ROBO1: variants seen among roughly 807,000 people sequenced by gnomAD.
ROBO1 encodes roundabout guidance receptor 1.
In ROBO1, 149 loss-of-function variants were observed where a neutral mutation model predicts 195.9. The observed-to-expected ratio is 0.76, with a 90% CI of 0.67 to 0.87. The LOEUF (loss-of-function observed/expected upper bound fraction) is 0.87, where lower values mean the gene tolerates loss of function less well. Among genes scored for constraint, ROBO1 ranks in the 40% least tolerant of loss-of-function variants. The probability of loss-of-function intolerance (pLI) is 0.00; values close to 1 mark genes in which losing one functional copy is unlikely to be tolerated. For missense variants in ROBO1, 1,933 were observed against 2,068.3 expected (o/e 0.93, Z 1.27); for synonymous variants, 816 against 733.2 (o/e 1.11, Z -1.82).
chr3:78,944,839 T>TA (rs1340052669), intron 3 of ROBO1, among the ~76,000 whole-genome samples: 1 of 152,144 alleles, frequency 6.6e-6, no homozygotes, highest in African/African-American at 2.4e-5. Context: ...CCAATGGACT[T>TA]AAAAAACGGC....
intron 3 of ROBO1, among the ~76,000 whole-genome samples, chr3:78,973,440 A>G (rs1442814104): frequency 1.4e-5 from 2 of 146,854 alleles, no homozygotes; most frequent in Admixed American, 6.9e-5. Flanking sequence ...TATATATAGA[A>G]GCTATACAAG....
At chr3:79,375,565 A>T (rs1388277183) in intron 2 of ROBO1, among the ~76,000 whole-genome samples, 1 of 152,194 alleles carries the variant, frequency 6.6e-6, no homozygotes, top group Non-Finnish European at 1.5e-5. Context: ...TTTCCTGCAG[A>T]TAAATTCGAT....
At chr3:79,172,791 T>A (rs571328147) in intron 2 of ROBO1, among the ~76,000 whole-genome samples, 1 of 152,300 alleles carries the variant, frequency 6.6e-6, no homozygotes, top group African/African-American at 2.4e-5. Flanking sequence ...CATTTTATTT[T>A]GCTTACGACA....
chr3:79,483,398 T>C (rs1228775626), intron 2 of ROBO1, among the ~76,000 whole-genome samples: 1 of 152,174 alleles, frequency 6.6e-6, no homozygotes, highest in African/African-American at 2.4e-5. Flanking sequence ...AAGATTTTAG[T>C]TTTTGATAAA....
In ROBO1 at chr3:79,575,214, T is replaced by TATATATATAACAAATATATATAA. The variant is rs1441962830; in HGVS notation, c.88+14587_88+14609dup. ...TATATAAATATATATATAACAGATATATATATATAACAAATATATATAAAT... is the reference window on the plus strand; with the variant it reads ...TATATAAATATATATATAACAGATATATATATATAACAAATATATATAAATATATATAACAAATATATATAAAT... On this transcript the variant is annotated intron_variant, in intron 2 of 30. Transcript: ENST00000464233. Among the ~76,000 whole-genome samples the TATATATATAACAAATATATATAA allele has an allele frequency of 2.7e-3, 313 of 114,940 alleles. 1 individual carries two copies. Among genetic ancestry groups the TATATATATAACAAATATATATAA allele is most frequent in the South Asian group, 5.4e-3 (22 of 4,052 alleles). The allele number at this position is 114,940 out of a possible 152,430, so 75.4% of individuals were successfully genotyped here. A position where few individuals can be genotyped will look rare whatever the true frequency, so the allele number is the denominator to read the frequency against.
chr3:78,705,065 T>C (rs2081517889), intron 8 of ROBO1, among the ~76,000 whole-genome samples: 1 of 152,230 alleles, frequency 6.6e-6, no homozygotes, highest in African/African-American at 2.4e-5. Context: ...ATTGTTCCAC[T>C]ATATGGACTA....
chr3:79,404,990 A>G (rs1397251203), intron 2 of ROBO1, among the ~76,000 whole-genome samples: 2 of 152,106 alleles, frequency 1.3e-5, no homozygotes, highest in African/African-American at 2.4e-5. Flanking sequence ...TTTTTAATAT[A>G]CTAGCTATTC....
chr3:79,687,686 G>A (rs1947167299), intron 1 of ROBO1, among the ~76,000 whole-genome samples: 1 of 152,242 alleles, frequency 6.6e-6, no homozygotes, highest in Middle Eastern at 3.4e-3. Flanking sequence ...TCTCACACCA[G>A]GTAGAATGGT....
intron 2 of ROBO1, among the ~76,000 whole-genome samples, chr3:79,361,281 G>T (rs1478105995): frequency 6.6e-6 from 1 of 151,512 alleles, no homozygotes; most frequent in Non-Finnish European, 1.5e-5. Flanking sequence ...CTTTGTAGTA[G>T]ATAAAAATTA....
intron 2 of ROBO1, among the ~76,000 whole-genome samples, chr3:79,234,186 A>G (rs2082369154): frequency 1.3e-5 from 2 of 152,006 alleles, no homozygotes; most frequent in South Asian, 4.1e-4. Context: ...GCACTTTAGT[A>G]TAACTAGGTA....
intron 1 of ROBO1, among the ~76,000 whole-genome samples, chr3:79,761,990 C>T (rs1272360219): frequency 6.6e-6 from 1 of 152,082 alleles, no homozygotes; most frequent in East Asian, 1.9e-4. Context: ...GTTTTAAGGG[C>T]TACTTTTTTC....
chr3:79,601,326 T>TA (rs1655060921), intron 1 of ROBO1, among the ~76,000 whole-genome samples: 2 of 151,884 alleles, frequency 1.3e-5, no homozygotes, highest in Non-Finnish European at 2.9e-5. Context: ...GAGATGAAGC[T>TA]AAAAAAATCA....
chr3:78,757,864 T>C (rs1257051326), intron 4 of ROBO1, among the ~76,000 whole-genome samples: 1 of 152,208 alleles, frequency 6.6e-6, no homozygotes, highest in Non-Finnish European at 1.5e-5. Context: ...ACTTTTATTA[T>C]TGCTGAACAT....
intron 2 of ROBO1, among the ~76,000 whole-genome samples, chr3:79,579,393 C>T (rs1233623449): frequency 6.6e-6 from 1 of 152,100 alleles, no homozygotes; most frequent in East Asian, 1.9e-4. Context: ...AATTATGCTA[C>T]TTAAGAAAGG....
At position 79,108,110 on chromosome 3, in the gene ROBO1, C is replaced by A. The variant is rs145856107; in HGVS notation, c.172+17346G>T. On this transcript the variant is annotated intron_variant, in intron 3 of 30. Transcript: ENST00000464233. ...AGTTGTTGATTCTGACAGTAGCCTG[C>A]AAAATAAATTTAAGTGAATATAGTA... Among the ~76,000 whole-genome samples, 41 of 151,794 alleles carry A rather than the reference C, an allele frequency of 2.7e-4. No individual in the cohort carries two copies. In the East Asian group the frequency reaches 7.9e-3, roughly 29 times the overall value.
At chr3:78,924,648 C>A (rs1334019744) in intron 4 of ROBO1, among the ~76,000 whole-genome samples, 3 of 151,834 alleles carry the variant, frequency 2.0e-5, no homozygotes, top group African/African-American at 7.2e-5. Flanking sequence ...CCCTTTAAAA[C>A]TGAACGACTC....
intron 3 of ROBO1, among the ~76,000 whole-genome samples, chr3:79,014,240 C>G (rs1433767186): frequency 6.6e-6 from 1 of 152,086 alleles, no homozygotes; most frequent in Non-Finnish European, 1.5e-5. Flanking sequence ...GAGGCCGAAG[C>G]AGGCAGATCA....
chr3:78,798,474 C>T (rs2084252479), intron 4 of ROBO1, among the ~76,000 whole-genome samples: 1 of 152,158 alleles, frequency 6.6e-6, no homozygotes, highest in Non-Finnish European at 1.5e-5. Flanking sequence ...CTTAATAGTT[C>T]TGTTTATAAA....
chr3:79,272,848 C>T (rs773078651), intron 2 of ROBO1, among the ~76,000 whole-genome samples: 3 of 151,952 alleles, frequency 2.0e-5, no homozygotes, highest in Admixed American at 6.6e-5. Context: ...ATAAAGAATC[C>T]TGAAAGCAAC....
Sources: gnomAD v4.1 joint callset for allele counts (sites outside exome capture counted in the v4.1 genomes callset) on GRCh38, gnomAD v4.1.1 for gene constraint, MANE v1.5 for transcripts, NCBI Gene and HGNC (gene_info 2026-07-23, HGNC 2026-07-21) for gene names.